Variants in SNTG1 observed in about 807,000 individuals in gnomAD.
SNTG1 encodes syntrophin gamma 1.
In SNTG1, 39 loss-of-function variants were observed where a neutral mutation model predicts 74.7. The observed-to-expected ratio is 0.52, with a 90% CI of 0.40 to 0.68. The LOEUF (loss-of-function observed/expected upper bound fraction) is 0.68, where lower values mean the gene tolerates loss of function less well. Ranked by LOEUF, SNTG1 falls within the 30% of genes least tolerant of loss-of-function variation. The pLI is 0.00. For synonymous variants in SNTG1, 254 were observed against 217.1 expected (o/e 1.17, Z -1.49); for missense variants, 685 against 609.5 (o/e 1.12, Z -1.30).
intron 4 of SNTG1, among the ~76,000 whole-genome samples, chr8:50,426,993 A>T (rs2093171733): frequency 6.6e-6 from 1 of 152,176 alleles, no homozygotes. Flanking sequence ...ATGTATGTAG[A>T]TCACATGTAA....
At chr8:49,993,485 A>C (rs1331087879) in intron 1 of SNTG1, among the ~76,000 whole-genome samples, 1 of 151,882 alleles carries the variant, frequency 6.6e-6, no homozygotes, top group East Asian at 1.9e-4. Flanking sequence ...GGTTTGCTGC[A>C]CCTATCAACC....
intron 1 of SNTG1, among the ~76,000 whole-genome samples, chr8:50,138,555 G>A (rs1240110342): frequency 5.3e-5 from 8 of 151,644 alleles, no homozygotes; most frequent in South Asian, 2.1e-4. Flanking sequence ...AACCTGGGAG[G>A]TGGAGGTTGC....
rs189543269 is a variant in SNTG1, at chr8:49,983,282, A to G, written c.-103+71051A>G. On this transcript the variant is annotated intron_variant, in intron 1 of 18. Coordinates refer to ENST00000642720, the MANE Select transcript of SNTG1 (RefSeq NM_018967.5). ...GTAAACAGCGAGTTGTCTATTCATCAAGTAAAAGTTTAGAGAATTTGAAGC... is the reference window on the plus strand; with the variant it reads ...GTAAACAGCGAGTTGTCTATTCATCGAGTAAAAGTTTAGAGAATTTGAAGC... Among the ~76,000 whole-genome samples, 178 of 152,368 alleles carry G rather than the reference A, an allele frequency of 1.2e-3. 1 individual carries two copies. The highest frequency in any genetic ancestry group is 0.01 in the Middle Eastern group (3 of 294).
intron 1 of SNTG1, among the ~76,000 whole-genome samples, chr8:50,106,501 G>A (rs957826278): frequency 6.6e-6 from 1 of 152,120 alleles, no homozygotes; most frequent in Non-Finnish European, 1.5e-5. Flanking sequence ...GTTCTCAAGA[G>A]CAGTGACTCC....
At chr8:50,201,420 C>T (rs919986434) in intron 2 of SNTG1, among the ~76,000 whole-genome samples, 4 of 152,142 alleles carry the variant, frequency 2.6e-5, no homozygotes, top group African/African-American at 9.7e-5. Context: ...GTATTATTAA[C>T]ACCTTCTACT....
intron 17 of SNTG1, among the ~76,000 whole-genome samples, chr8:50,720,249 A>T (rs558967003): frequency 3.3e-5 from 5 of 152,166 alleles, no homozygotes; most frequent in Non-Finnish European, 5.9e-5. Context: ...CTCTTGCCTT[A>T]TCCTTACCCT....
intron 3 of SNTG1, among the ~76,000 whole-genome samples, chr8:50,398,287 A>G (rs972599770): frequency 2.0e-5 from 3 of 152,212 alleles, no homozygotes; most frequent in Admixed American, 1.3e-4. Context: ...ACCGTCCACC[A>G]TCTGCCCATC....
At chr8:50,703,545 TAGA>T (rs1001525418) in intron 15 of SNTG1, among the ~76,000 whole-genome samples, 3 of 152,014 alleles carry the variant, frequency 2.0e-5, no homozygotes, top group East Asian at 1.9e-4. Context: ...TTTTAATAAA[TAGA>T]AGGAGTACAC....
At chr8:50,510,681 A>C (rs1002203475) in intron 9 of SNTG1, among the ~76,000 whole-genome samples, 4 of 152,102 alleles carry the variant, frequency 2.6e-5, no homozygotes, top group Admixed American at 6.5e-5. Context: ...CATTTCTTCT[A>C]GGTTTTCTAG....
intron 1 of SNTG1, among the ~76,000 whole-genome samples, chr8:49,966,075 G>A (rs979034888): frequency 6.6e-6 from 1 of 151,976 alleles, no homozygotes; most frequent in African/African-American, 2.4e-5. Context: ...GAATATATCT[G>A]GTTTCTATTT....
intron 8 of SNTG1, among the ~76,000 whole-genome samples, chr8:50,485,521 G>GT (rs1325836931): frequency 6.6e-6 from 1 of 151,590 alleles, no homozygotes; most frequent in Non-Finnish European, 1.5e-5. Flanking sequence ...GGGGTTGTTT[G>GT]TTTTTTTCTT....
In SNTG1 at chr8:50,460,615, G is replaced by A. The variant is rs183812712; in HGVS notation, c.363+9886G>A. ...TTTTCTTCTAGGATACTTACAGTTCGATGTCATGCATTTAACTCTTTGATA... is the reference window on the plus strand; with the variant it reads ...TTTTCTTCTAGGATACTTACAGTTCAATGTCATGCATTTAACTCTTTGATA... On this transcript the variant is annotated intron_variant, in intron 8 of 18. Coordinates refer to ENST00000642720, the MANE Select transcript of SNTG1 (RefSeq NM_018967.5). 3.2e-3 allele frequency among the ~76,000 whole-genome samples: 493 copies of A among 152,144 alleles called. 2 individuals are homozygous for A. Among genetic ancestry groups the A allele is most frequent in the Non-Finnish European group, 5.2e-3 (356 of 67,976 alleles).
chr8:50,333,659 C>T (rs2091042175), intron 2 of SNTG1, among the ~76,000 whole-genome samples: 1 of 152,214 alleles, frequency 6.6e-6, no homozygotes, highest in South Asian at 2.1e-4. Context: ...CAAAACTTCT[C>T]TCGCTTGAGT....
At chr8:50,739,290 T>G (rs1047073741) in intron 17 of SNTG1, among the ~76,000 whole-genome samples, 1 of 151,964 alleles carries the variant, frequency 6.6e-6, no homozygotes, top group Non-Finnish European at 1.5e-5. Context: ...GACATTTATA[T>G]AGCCAACAAG....
intron 2 of SNTG1, among the ~76,000 whole-genome samples, chr8:50,193,976 T>C (rs1445176618): frequency 1.3e-5 from 2 of 152,198 alleles, no homozygotes; most frequent in East Asian, 1.9e-4. Flanking sequence ...ACCACATTTA[T>C]TGACTTGTGT....
chr8:50,450,965 T>C (rs2093451510), intron 8 of SNTG1, among the ~76,000 whole-genome samples: 1 of 152,186 alleles, frequency 6.6e-6, no homozygotes, highest in African/African-American at 2.4e-5. Context: ...TTCTATGTTT[T>C]TCCAGTTTTT....
intron 18 of SNTG1, among the ~76,000 whole-genome samples, chr8:50,761,900 AAAT>A (rs1476237801): frequency 2.0e-5 from 3 of 152,048 alleles, no homozygotes; most frequent in African/African-American, 7.2e-5. Context: ...AAGAAGTGTT[AAAT>A]AATCTTTGAT....
chr8:50,467,449 T>G (rs1351088490), intron 8 of SNTG1, among the ~76,000 whole-genome samples: 1 of 151,912 alleles, frequency 6.6e-6, no homozygotes, highest in Admixed American at 6.6e-5. Context: ...GTTCCTCTAT[T>G]AGCCTTTTGG....
intron 2 of SNTG1, among the ~76,000 whole-genome samples, chr8:50,367,453 C>T (rs1051716314): frequency 6.6e-6 from 1 of 151,772 alleles, no homozygotes; most frequent in Admixed American, 6.6e-5. Context: ...AGATTTTAAC[C>T]CTGCATATAA....
Sources: gnomAD v4.1 joint callset for allele counts (sites outside exome capture counted in the v4.1 genomes callset) on GRCh38, gnomAD v4.1.1 for gene constraint, MANE v1.5 for transcripts, NCBI Gene and HGNC (gene_info 2026-07-23, HGNC 2026-07-21) for gene names.